The following TBC1D22A variants were observed in gnomAD, a reference collection of about 807,000 sequenced individuals.
TBC1D22A encodes putative GTPase activator.
A neutral mutation model predicts 60.2 loss-of-function variants in TBC1D22A; 38 were observed. The observed-to-expected ratio is 0.63, with a 90% CI of 0.49 to 0.83. TBC1D22A has a LOEUF of 0.83. Ranked by LOEUF, TBC1D22A falls within the 40% of genes least tolerant of loss-of-function variation. The probability of loss-of-function intolerance (pLI) is 0.00; values close to 1 mark genes in which losing one functional copy is unlikely to be tolerated. For missense variants in TBC1D22A, 628 were observed against 701.0 expected, an observed-to-expected ratio of 0.90 and a Z score of 1.18; for synonymous variants, 302 against 281.7, an observed-to-expected ratio of 1.07 and a Z score of -0.72.
intron 4 of TBC1D22A, among the ~76,000 whole-genome samples, chr22:46,827,525 C>A (rs1338994337): frequency 6.6e-6 from 1 of 152,166 alleles, no homozygotes; most frequent in African/African-American, 2.4e-5. Flanking sequence ...ATGCGTGTAC[C>A]AAATGGTATT....
chr22:46,780,372 T>A (rs200762650), intron 1 of TBC1D22A, among the ~76,000 whole-genome samples: 1 of 152,226 alleles, frequency 6.6e-6, no homozygotes, highest in Non-Finnish European at 1.5e-5. Flanking sequence ...TTCCATACTT[T>A]TATTTTCTTT....
chr22:47,116,361 G>A (rs1174100844), intron 12 of TBC1D22A: 2 of 152,296 alleles, frequency 1.3e-5, no homozygotes, highest in Non-Finnish European at 2.9e-5. Context: ...GGTGAACAGA[G>A]TGTGGCACCT....
intron 4 of TBC1D22A, among the ~76,000 whole-genome samples, chr22:46,817,711 A>G (rs928702729): frequency 4.6e-5 from 7 of 152,210 alleles, no homozygotes; most frequent in Non-Finnish European, 8.8e-5. Context: ...TGTTGCAGTA[A>G]ACATATGTGT....
intron 12 of TBC1D22A, 141 bp downstream of exon 12, chr22:47,111,744 G>C: frequency 1.4e-6 from 1 of 737,968 alleles, no homozygotes; most frequent in Non-Finnish European, 2.2e-6. Flanking sequence ...CCTGCTGGTT[G>C]AAAGCTCGTC....
chr22:46,870,315 C>T (rs545557133), intron 4 of TBC1D22A, among the ~76,000 whole-genome samples: 13 of 152,286 alleles, frequency 8.5e-5, no homozygotes, highest in East Asian at 3.9e-4. Flanking sequence ...TGGTAATTTC[C>T]TATTGAGAAG....
Position 46,974,403 on chromosome 22 carries a change from A to G in TBC1D22A, c.1125+4A>G, listed in dbSNP as rs757402481. The G allele has an allele frequency of 6.2e-7, 1 of 1,605,926 alleles. No individual in the cohort carries two copies. The highest frequency in any genetic ancestry group is 1.1e-5 in the South Asian group (1 of 89,448). On this transcript the variant is annotated splice_donor_region_variant and intron_variant, in intron 9 of 12. Coordinates refer to ENST00000337137, the MANE Select transcript of TBC1D22A (RefSeq NM_014346.5). ...CAAGCTGCTGGATGGCATTCAGGTG[A>G]GCGCCCGCGCCCACGGGACACAGCC...
At chr22:47,152,577 C>T (rs545788600) in intron 12 of TBC1D22A, among the ~76,000 whole-genome samples, 13 of 152,348 alleles carry the variant, frequency 8.5e-5, no homozygotes, top group East Asian at 3.9e-4. Flanking sequence ...GTCGCAGTTG[C>T]GCTCTCTGTC....
chr22:46,844,816 C>T (rs1310544624), intron 4 of TBC1D22A, among the ~76,000 whole-genome samples: 1 of 152,146 alleles, frequency 6.6e-6, no homozygotes, highest in Non-Finnish European at 1.5e-5. Context: ...ATCCCAGGCC[C>T]AGGGGTCCTA....
At chr22:46,848,265 A>C (rs1878344084) in intron 4 of TBC1D22A, among the ~76,000 whole-genome samples, 1 of 152,248 alleles carries the variant, frequency 6.6e-6, no homozygotes, top group East Asian at 1.9e-4. Context: ...AGTGGAACTC[A>C]GGTCGTCCTC....
chr22:47,119,634 C>T (rs879517273), intron 12 of TBC1D22A, among the ~76,000 whole-genome samples: 1 of 151,980 alleles, frequency 6.6e-6, no homozygotes, highest in South Asian at 2.1e-4. Context: ...GTAGCTGGGA[C>T]TACAGGCACG....
intron 9 of TBC1D22A, among the ~76,000 whole-genome samples, chr22:46,986,491 T>C (rs567658854): frequency 3.3e-5 from 5 of 152,260 alleles, no homozygotes; most frequent in African/African-American, 1.2e-4. Flanking sequence ...CAATATTGAG[T>C]CTTCTTACCC....
At chr22:46,850,943 C>T (rs1384494884) in intron 4 of TBC1D22A, among the ~76,000 whole-genome samples, 1 of 152,140 alleles carries the variant, frequency 6.6e-6, no homozygotes, top group Non-Finnish European at 1.5e-5. Context: ...TTGTATGACT[C>T]CTATTTATAT....
chr22:46,788,582 C>T (rs1601863948), intron 1 of TBC1D22A, among the ~76,000 whole-genome samples: 2 of 152,172 alleles, frequency 1.3e-5, no homozygotes, highest in African/African-American at 4.8e-5. Flanking sequence ...CTGGGACCCG[C>T]CTGTGGTTCA....
chr22:46,952,364 T>C (rs1297575842), intron 8 of TBC1D22A, among the ~76,000 whole-genome samples: 5 of 138,838 alleles, frequency 3.6e-5, no homozygotes, highest in African/African-American at 1.3e-4. Context: ...TCCCCTTTCA[T>C]CCTGCGTTCT....
chr22:47,026,242 G>C (rs905199163), intron 10 of TBC1D22A, among the ~76,000 whole-genome samples: 3 of 152,198 alleles, frequency 2.0e-5, no homozygotes, highest in African/African-American at 7.2e-5. Flanking sequence ...TGGATAAAGA[G>C]CATGTTCGAT....
intron 4 of TBC1D22A, among the ~76,000 whole-genome samples, chr22:46,820,518 T>G (rs180866791): frequency 6.6e-6 from 1 of 152,224 alleles, no homozygotes; most frequent in Non-Finnish European, 1.5e-5. Context: ...GAGCAAGTTA[T>G]TCAATTTCCA....
intron 10 of TBC1D22A, among the ~76,000 whole-genome samples, chr22:47,004,942 A>G (rs1035154728): frequency 2.0e-5 from 3 of 151,786 alleles, no homozygotes; most frequent in Non-Finnish European, 4.4e-5. Context: ...ACATATCCCT[A>G]TATACACATA....
chr22:47,025,180 C>T (rs2148352123), intron 10 of TBC1D22A, among the ~76,000 whole-genome samples: 1 of 152,170 alleles, frequency 6.6e-6, no homozygotes, highest in East Asian at 1.9e-4. Flanking sequence ...ATTTTGAGCT[C>T]CTCTCTTCAG....
intron 9 of TBC1D22A, among the ~76,000 whole-genome samples, chr22:46,994,536 G>C (rs1266038028): frequency 6.6e-6 from 1 of 152,240 alleles, no homozygotes; most frequent in Non-Finnish European, 1.5e-5. Flanking sequence ...TGGACAGCCA[G>C]GGACGTGGCC....
Sources: allele counts gnomAD v4.1 joint callset (sites outside exome capture counted in the v4.1 genomes callset), GRCh38; gene constraint gnomAD v4.1.1; transcripts MANE v1.5; gene names NCBI Gene and HGNC (gene_info 2026-07-23, HGNC 2026-07-21).